POU2F1: variants seen among roughly 807,000 people sequenced by gnomAD.
POU2F1 encodes POU class 2 homeobox 1, also known as POU domain, class 2, transcription factor 1.
In POU2F1, 16 loss-of-function variants were observed where a neutral mutation model predicts 84.9. The ratio of observed to expected loss-of-function variants is 0.19; its 90% CI spans 0.13 to 0.29. POU2F1 has a LOEUF of 0.29. Among genes scored for constraint, POU2F1 ranks in the 10% least tolerant of loss-of-function variants. The pLI, the probability that POU2F1 is intolerant of heterozygous loss-of-function variation, is 1.00. For synonymous variants in POU2F1, 368 were observed against 368.3 expected (o/e 1.00, Z 0.01); for missense variants, 738 against 942.6 (o/e 0.78, Z 2.84).
At chr1:167,286,709 T>G (rs945786409) in intron 1 of POU2F1, among the ~76,000 whole-genome samples, 11 of 152,192 alleles carry the variant, frequency 7.2e-5, no homozygotes, top group African/African-American at 1.4e-4. Context: ...TTATTTTGTG[T>G]AGTGCTATGG....
intron 1 of POU2F1, among the ~76,000 whole-genome samples, chr1:167,248,052 C>T (rs1650464188): frequency 6.6e-6 from 1 of 152,146 alleles, no homozygotes; most frequent in African/African-American, 2.4e-5. Context: ...GAGTATACAG[C>T]AGTTTACTCC....
At chr1:167,337,316 C>G (rs930366842) in intron 2 of POU2F1, among the ~76,000 whole-genome samples, 1 of 151,322 alleles carries the variant, frequency 6.6e-6, no homozygotes, top group African/African-American at 2.4e-5. Flanking sequence ...ACAGTGAGAC[C>G]TTGTCTCAAA....
chr1:167,253,728 G>C (rs1650915878), intron 1 of POU2F1, among the ~76,000 whole-genome samples: 1 of 151,994 alleles, frequency 6.6e-6, no homozygotes, highest in African/African-American at 2.4e-5. Context: ...CGTCCAGCCA[G>C]AATTTTTTAT....
chr1:167,337,847 AC>A, intron 2 of POU2F1: 1 of 281,818 alleles, frequency 3.5e-6, no homozygotes, highest in Non-Finnish European at 6.9e-6. Context: ...ATGAAAGCAC[AC>A]CAAGATTTAA....
Position 167,413,085 on chromosome 1 carries a change from T to A in POU2F1, c.1961T>A (p.Met654Lys), listed in dbSNP as rs1159444554. The change falls in exon 15 of 16, where the codon ATG (methionine) becomes AAG (lysine). Residue 654 changes from methionine (M) to lysine (K), a missense_variant. This residue lies in a region of POU2F1 where 319 missense variants were observed against 386.0 expected (regional missense o/e 0.83). Transcript: ENST00000367866. ...AGCGGTGCTCTCAGCCCAGCTCTAATGAGCAACAGTACACTGGCAACTATT... is the reference window on the plus strand; with the variant it reads ...AGCGGTGCTCTCAGCCCAGCTCTAAAGAGCAACAGTACACTGGCAACTATT... ...TLSGALSPAL[M>K]SNSTLATIQA... The A allele has an allele frequency of 2.5e-6, 4 of 1,613,890 alleles. No homozygotes were observed. The highest frequency in any genetic ancestry group is 3.4e-6 in the Non-Finnish European group (4 of 1,179,884).
At chr1:167,379,585 C>G (rs1484572322) in intron 7 of POU2F1, 1 of 152,174 alleles carries the variant, frequency 6.6e-6, no homozygotes, top group East Asian at 1.9e-4. Context: ...TCAAAAGATA[C>G]TGCATTTTCA....
At chr1:167,403,513 ATTTGTTTTTCCTC>A (rs879369011) in intron 13 of POU2F1, among the ~76,000 whole-genome samples, 2 of 151,964 alleles carry the variant, frequency 1.3e-5, no homozygotes, top group Admixed American at 1.3e-4. Context: ...CCCCTTTTTA[ATTTGTTTTTCCTC>A]TTTGGACTGT....
Position 167,422,118 on chromosome 1 carries a change from C to T in POU2F1, c.*6308C>T, listed in dbSNP as rs953039461. 2.0e-5 allele frequency: 3 copies of T among 152,236 alleles called. No homozygotes were observed. Among genetic ancestry groups the T allele is most frequent in the Non-Finnish European group, 2.9e-5 (2 of 68,092 alleles). The allele number at this position is 152,236 out of a possible 1,614,324, so 9.4% of individuals were successfully genotyped here. On this transcript the variant is annotated 3_prime_UTR_variant, in exon 16 of 16. Transcript: ENST00000367866. ...AGTAGGTTCAGGGACCCTGAGGGTG[C>T]ATTTACATCCCTTCCTATGGTTGCC...
At chr1:167,384,618 T>G (rs1443958912) in intron 8 of POU2F1, among the ~76,000 whole-genome samples, 1 of 151,730 alleles carries the variant, frequency 6.6e-6, no homozygotes, top group Admixed American at 6.6e-5. Flanking sequence ...ACTAACACAT[T>G]ACCAGATTTG....
In POU2F1 at chr1:167,415,940, A is replaced by AC; in HGVS notation, c.*130_*131insC. 83 of 573,694 alleles carry AC rather than the reference A, an allele frequency of 1.4e-4. No individual in the cohort carries two copies. Among genetic ancestry groups the AC allele is most frequent in the East Asian group, 2.7e-4 (7 of 25,562 alleles). 35.5% of individuals were successfully genotyped at this position (573,694 alleles called of 1,614,324 possible). On this transcript the variant is annotated 3_prime_UTR_variant, in exon 16 of 16. Transcript: ENST00000367866. ...GTTGTGAGGGCAAAGGAGAGAAGGG[A>AC]GAAAAAAAAAAAAAAACCACACACA...
At chr1:167,393,645 C>A (rs1343122783) in intron 9 of POU2F1, among the ~76,000 whole-genome samples, 2 of 152,150 alleles carry the variant, frequency 1.3e-5, no homozygotes, top group African/African-American at 4.8e-5. Context: ...ACTACAGGCA[C>A]ATGCACCACA....
chr1:167,285,926 C>T (rs967234070), intron 1 of POU2F1, among the ~76,000 whole-genome samples: 7 of 151,988 alleles, frequency 4.6e-5, no homozygotes, highest in South Asian at 2.1e-4. Context: ...ACTGCAAGAA[C>T]ACAAGGAACA....
chr1:167,362,608 C>A (rs1168581504), intron 2 of POU2F1, among the ~76,000 whole-genome samples: 1 of 152,166 alleles, frequency 6.6e-6, no homozygotes, highest in South Asian at 2.1e-4. Flanking sequence ...AGCTCCTAGG[C>A]TCAAAGGATC....
At chr1:167,410,520 TATTA>T (rs765508309) in intron 13 of POU2F1, among the ~76,000 whole-genome samples, 1 of 151,252 alleles carries the variant, frequency 6.6e-6, no homozygotes, top group African/African-American at 2.4e-5. Flanking sequence ...TTATTATTAT[TATTA>T]TTATTATTTT....
Position 167,365,706 on chromosome 1 carries a change from A to G in POU2F1, c.228+139A>G, listed in dbSNP as rs7539957. The G allele has an allele frequency of 8.9e-3, 5,342 of 599,484 alleles. 224 individuals are homozygous for G. Among genetic ancestry groups the G allele is most frequent in the African/African-American group, 0.088 (4,538 of 51,698 alleles). The allele number at this position is 599,484 out of a possible 1,614,324, so 37.1% of individuals were successfully genotyped here. ...GCTAATTGTGTAATTGTGTCATTCT[A>G]TTTGGTTAGTATGAAATCCTATGGT... On this transcript the variant is annotated intron_variant, in intron 3 of 15. Transcript: ENST00000367866.
intron 1 of POU2F1, among the ~76,000 whole-genome samples, chr1:167,278,553 C>T (rs905693782): frequency 6.6e-5 from 10 of 152,098 alleles, no homozygotes; most frequent in African/African-American, 1.7e-4. Context: ...TAGGCTTCAA[C>T]GATGAAGATA....
intron 6 of POU2F1, 133 bp from the exon 7 acceptor site, chr1:167,375,896 T>A: frequency 8.9e-7 from 1 of 1,124,904 alleles, no homozygotes; most frequent in South Asian, 1.5e-5. Context: ...ATACCCTGTT[T>A]GGAATATGAA....
At chr1:167,290,873 G>A (rs570675038) in intron 1 of POU2F1, among the ~76,000 whole-genome samples, 37 of 152,024 alleles carry the variant, frequency 2.4e-4, no homozygotes, top group Admixed American at 1.2e-3. Flanking sequence ...AGACCACATC[G>A]CTACAAAAGA....
At position 167,415,939 on chromosome 1, in the gene POU2F1, G is replaced by GAT; in HGVS notation, c.*130_*131insTA. 396 of 400,030 alleles carry GAT rather than the reference G, an allele frequency of 9.9e-4. No individual in the cohort carries two copies. Among genetic ancestry groups the GAT allele is most frequent in the East Asian group, 3.3e-3 (46 of 13,760 alleles). 24.8% of individuals were successfully genotyped at this position (400,030 alleles called of 1,614,324 possible). Reference sequence around the variant, plus strand: ...TGTTGTGAGGGCAAAGGAGAGAAGGGAGAAAAAAAAAAAAAAACCACACAC... The same window carrying GAT: ...TGTTGTGAGGGCAAAGGAGAGAAGGGATAGAAAAAAAAAAAAAAACCACACAC... On this transcript the variant is annotated 3_prime_UTR_variant, in exon 16 of 16. Transcript: ENST00000367866.
Sources: allele counts gnomAD v4.1 joint callset (sites outside exome capture counted in the v4.1 genomes callset), GRCh38; gene constraint gnomAD v4.1.1; regional missense constraint gnomAD v4.1.1; transcripts MANE v1.5; gene names NCBI Gene and HGNC (gene_info 2026-07-23, HGNC 2026-07-21).